CLVS1: variants seen among roughly 807,000 people sequenced by gnomAD.
The protein encoded by CLVS1 is clavesin-1.
Under a neutral mutation model 33.1 loss-of-function variants are expected in CLVS1, and 10 were observed. That is an observed-to-expected ratio of 0.30 (90% CI 0.19 to 0.51). The LOEUF (loss-of-function observed/expected upper bound fraction) is 0.51, where lower values mean the gene tolerates loss of function less well. CLVS1 is among the 20% of genes least tolerant of loss of function. CLVS1 has a pLI of 0.97. For synonymous variants in CLVS1, 163 were observed against 166.1 expected, an observed-to-expected ratio of 0.98 and a Z score of 0.14; for missense variants, 343 against 433.4, an observed-to-expected ratio of 0.79 and a Z score of 1.85.
intron 2 of CLVS1, among the ~76,000 whole-genome samples, chr8:61,257,879 A>C (rs1809119015): frequency 6.6e-6 from 1 of 152,156 alleles, no homozygotes; most frequent in Non-Finnish European, 1.5e-5. Flanking sequence ...GTTTCTCTAG[A>C]ATAGGAGACT....
At chr8:61,014,085 GTTTTT>G in the CLVS1 span, among the ~76,000 whole-genome samples, 2 of 126,818 alleles carry the variant, frequency 1.6e-5, no homozygotes, top group Non-Finnish European at 3.3e-5. Flanking sequence ...ACTTTTTAGT[GTTTTT>G]TTTTTTTTTT....
At chr8:61,146,504 A>C (rs1337485200) in intron 2 of CLVS1, among the ~76,000 whole-genome samples, 2 of 152,218 alleles carry the variant, frequency 1.3e-5, no homozygotes, top group Admixed American at 6.5e-5. Flanking sequence ...GCATCCTGCA[A>C]TGCCCTCTCA....
At chr8:61,350,084 T>C (rs887179907) in intron 2 of CLVS1, among the ~76,000 whole-genome samples, 12 of 152,150 alleles carry the variant, frequency 7.9e-5, no homozygotes, top group African/African-American at 2.9e-4. Flanking sequence ...AGAATTTCAG[T>C]TAGATAAAAG....
intron 5 of CLVS1, among the ~76,000 whole-genome samples, chr8:61,481,141 A>T (rs1295919756): frequency 1.3e-5 from 2 of 152,168 alleles, no homozygotes; most frequent in Non-Finnish European, 2.9e-5. Flanking sequence ...AGGTAGACAC[A>T]TTACCAGTTA....
chr8:61,141,006 ATCAG>A, intron 2 of CLVS1, among the ~76,000 whole-genome samples: 1 of 152,170 alleles, frequency 6.6e-6, no homozygotes. Flanking sequence ...GAGATTTGTG[ATCAG>A]ACGGAACTGG....
chr8:61,065,473 A>G (rs1804660534), intron 1 of CLVS1, among the ~76,000 whole-genome samples: 1 of 152,154 alleles, frequency 6.6e-6, no homozygotes, highest in Non-Finnish European at 1.5e-5. Flanking sequence ...TGTAACCCAC[A>G]TAAAAGGTGA....
the CLVS1 span, among the ~76,000 whole-genome samples, chr8:61,033,585 C>T: frequency 8.5e-5 from 13 of 152,316 alleles, no homozygotes; most frequent in Admixed American, 5.9e-4. Flanking sequence ...TTCTCACTCT[C>T]CTGCCTCCAC....
At chr8:61,025,146 C>T in the CLVS1 span, among the ~76,000 whole-genome samples, 1,164 of 152,268 alleles carry the variant, frequency 7.6e-3, 12 homozygotes, top group African/African-American at 0.027. Context: ...CATGCCCAGG[C>T]GTTAAAGCAT....
intron 2 of CLVS1, among the ~76,000 whole-genome samples, chr8:61,241,757 G>A (rs748362197): frequency 1.1e-4 from 16 of 152,134 alleles, no homozygotes; most frequent in Non-Finnish European, 1.5e-4. Context: ...TACCATTTCC[G>A]AGTCCTTTTA....
At chr8:60,997,516 G>A in the CLVS1 span, among the ~76,000 whole-genome samples, 1 of 152,172 alleles carries the variant, frequency 6.6e-6, no homozygotes, top group Admixed American at 6.5e-5. Flanking sequence ...CACATATAAA[G>A]GTTGTACACA....
chr8:61,480,486 C>A (rs1227131076), intron 5 of CLVS1, among the ~76,000 whole-genome samples: 4 of 152,176 alleles, frequency 2.6e-5, no homozygotes, highest in African/African-American at 9.7e-5. Context: ...TCTGTCACCC[C>A]TTTCTTTGAC....
At chr8:61,197,215 G>A (rs921941632) in intron 2 of CLVS1, among the ~76,000 whole-genome samples, 1 of 152,138 alleles carries the variant, frequency 6.6e-6, no homozygotes, top group Non-Finnish European at 1.5e-5. Flanking sequence ...GTGAGATATA[G>A]GAGTCTAGTT....
At chr8:61,012,180 C>A in the CLVS1 span, among the ~76,000 whole-genome samples, 2 of 152,174 alleles carry the variant, frequency 1.3e-5, no homozygotes, top group Non-Finnish European at 2.9e-5. Flanking sequence ...CCCACTCTTG[C>A]ATTTCCTCTT....
chr8:61,080,294 A>G (rs761047713), intron 1 of CLVS1, among the ~76,000 whole-genome samples: 21 of 152,370 alleles, frequency 1.4e-4, no homozygotes, highest in South Asian at 1.0e-3. Flanking sequence ...TGTATTGCCA[A>G]CATATGTATA....
chr8:61,345,642 G>A lies in CLVS1; in HGVS notation c.456-30963G>A, dbSNP rs557977944. Reference sequence around the variant, plus strand: ...TAGGGGTGTGTGTGTGTGTGTATGTGTGTGTGTGTGTGTGTGTGTGTGTGT... The same window carrying A: ...TAGGGGTGTGTGTGTGTGTGTATGTATGTGTGTGTGTGTGTGTGTGTGTGT... On this transcript the variant is annotated intron_variant, in intron 2 of 5. Transcript: ENST00000325897. Among the ~76,000 whole-genome samples the A allele has an allele frequency of 5.4e-3, 730 of 134,336 alleles. 7 individuals carry two copies. Among genetic ancestry groups the A allele is most frequent in the African/African-American group, 0.016 (608 of 38,378 alleles). 88.1% of individuals were successfully genotyped at this position (134,336 alleles called of 152,430 possible). A position where few individuals can be genotyped will look rare whatever the true frequency, so the allele number is the denominator to read the frequency against.
the CLVS1 span, among the ~76,000 whole-genome samples, chr8:61,042,039 C>T: frequency 6.6e-6 from 1 of 152,116 alleles, no homozygotes; most frequent in Non-Finnish European, 1.5e-5. Flanking sequence ...TTAACTTGGA[C>T]CTCCTCTGGT....
At chr8:61,388,067 C>T (rs1163020070) in intron 3 of CLVS1, among the ~76,000 whole-genome samples, 1 of 151,942 alleles carries the variant, frequency 6.6e-6, no homozygotes, top group African/African-American at 2.4e-5. Context: ...GAGTAAGGTA[C>T]ATTGAGAGAA....
At chr8:61,415,291 C>T (rs1352091496) in intron 3 of CLVS1, among the ~76,000 whole-genome samples, 1 of 152,218 alleles carries the variant, frequency 6.6e-6, no homozygotes, top group Non-Finnish European at 1.5e-5. Flanking sequence ...GCCCAGGTGG[C>T]CACCCAGCAT....
chr8:61,304,430 T>G (rs1266828391), intron 2 of CLVS1, among the ~76,000 whole-genome samples: 3 of 152,224 alleles, frequency 2.0e-5, no homozygotes, highest in African/African-American at 7.2e-5. Flanking sequence ...TTCTTCATTT[T>G]TTGAGGCTGC....
Sources: gnomAD v4.1 joint callset for allele counts (sites outside exome capture counted in the v4.1 genomes callset) on GRCh38, gnomAD v4.1.1 for gene constraint, MANE v1.5 for transcripts, NCBI Gene and HGNC (gene_info 2026-07-23, HGNC 2026-07-21) for gene names.